The following GPC6 variants were observed in gnomAD, a reference collection of about 807,000 sequenced individuals.
GPC6 encodes the protein glypican 6.
Under a neutral mutation model 55.2 loss-of-function variants are expected in GPC6, and 14 were observed. The observed-to-expected ratio is 0.25, with a 90% CI of 0.17 to 0.40. The LOEUF (loss-of-function observed/expected upper bound fraction) is 0.40, where lower values mean the gene tolerates loss of function less well. Ranked by LOEUF, GPC6 falls within the 10% of genes least tolerant of loss-of-function variation. The pLI is 1.00. For synonymous variants in GPC6, 278 were observed against 259.6 expected (o/e 1.07, Z -0.68); for missense variants, 641 against 708.5 (o/e 0.90, Z 1.08).
intron 2 of GPC6, among the ~76,000 whole-genome samples, chr13:93,618,713 T>G (rs376247849): frequency 1.4e-4 from 22 of 152,294 alleles, no homozygotes; most frequent in African/African-American, 5.1e-4. Context: ...TAGGATTTAT[T>G]GAAAATGTAT....
At chr13:93,271,068 G>T (rs1364752696) in intron 1 of GPC6, among the ~76,000 whole-genome samples, 2 of 152,278 alleles carry the variant, frequency 1.3e-5, no homozygotes, top group Admixed American at 6.5e-5. Context: ...CATTCAAGGG[G>T]CAGGGAGTGT....
chr13:93,505,434 C>T (rs72640600), intron 1 of GPC6, among the ~76,000 whole-genome samples: 25 of 99,694 alleles, frequency 2.5e-4, no homozygotes, highest in Admixed American at 3.8e-4. Flanking sequence ...CACACGTGCA[C>T]ACACACACAC....
intron 4 of GPC6, among the ~76,000 whole-genome samples, chr13:94,161,640 T>C (rs1202164112): frequency 6.6e-6 from 1 of 152,090 alleles, no homozygotes; most frequent in African/African-American, 2.4e-5. Context: ...AGAAGACATG[T>C]AAAGAGTATG....
chr13:93,374,978 T>C (rs746128851), intron 1 of GPC6, among the ~76,000 whole-genome samples: 8 of 152,110 alleles, frequency 5.3e-5, no homozygotes, highest in Non-Finnish European at 1.0e-4. Flanking sequence ...TTTTGAGGAG[T>C]ACCATGGAGT....
intron 1 of GPC6, among the ~76,000 whole-genome samples, chr13:93,284,806 A>G (rs1163119377): frequency 2.6e-5 from 4 of 152,232 alleles, no homozygotes; most frequent in African/African-American, 9.6e-5. Flanking sequence ...AAGTACAATA[A>G]TAATGAACAT....
chr13:93,369,025 C>T (rs1328646687), intron 1 of GPC6, among the ~76,000 whole-genome samples: 1 of 152,010 alleles, frequency 6.6e-6, no homozygotes, highest in Non-Finnish European at 1.5e-5. Flanking sequence ...GTCCCTGTAA[C>T]TGCTGAGTGG....
chr13:94,227,407 C>T (rs1232853587), intron 4 of GPC6, among the ~76,000 whole-genome samples: 1 of 152,178 alleles, frequency 6.6e-6, no homozygotes, highest in African/African-American at 2.4e-5. Flanking sequence ...TGGATTATTG[C>T]ACAAGGTGCC....
chr13:94,028,347 C>T (rs9589884), intron 4 of GPC6, among the ~76,000 whole-genome samples: 27,569 of 151,902 alleles, frequency 0.18, 2,718 homozygotes, highest in East Asian at 0.39. Context: ...CATTATTTTA[C>T]ATTTTCCTAA....
chr13:94,304,620 C>A (rs1875845757), intron 5 of GPC6, among the ~76,000 whole-genome samples: 1 of 152,170 alleles, frequency 6.6e-6, no homozygotes, highest in African/African-American at 2.4e-5. Context: ...TCAAAGTTTC[C>A]TGAAAATGTT....
chr13:93,787,061 T>C (rs1885836586), intron 2 of GPC6, among the ~76,000 whole-genome samples: 1 of 152,164 alleles, frequency 6.6e-6, no homozygotes, highest in Non-Finnish European at 1.5e-5. Flanking sequence ...AGCAATGATA[T>C]CTCATTTACA....
chr13:93,403,015 C>T (rs138826181), intron 1 of GPC6, among the ~76,000 whole-genome samples: 1 of 152,036 alleles, frequency 6.6e-6, no homozygotes, highest in Non-Finnish European at 1.5e-5. Flanking sequence ...AAATCTAATT[C>T]TCTAACCACT....
chr13:93,842,434 G>T (rs1450982400), intron 3 of GPC6, among the ~76,000 whole-genome samples: 1 of 152,134 alleles, frequency 6.6e-6, no homozygotes, highest in East Asian at 1.9e-4. Flanking sequence ...TTTTTGGCTA[G>T]GATGGAAGAT....
intron 1 of GPC6, among the ~76,000 whole-genome samples, chr13:93,268,607 C>T (rs1250212195): frequency 6.6e-6 from 1 of 152,004 alleles, no homozygotes; most frequent in African/African-American, 2.4e-5. Flanking sequence ...TAGTGGAATG[C>T]CTCCTCTAAG....
Position 93,643,332 on chromosome 13 carries a change from C to T in GPC6, c.319+97911C>T, listed in dbSNP as rs114013537. On this transcript the variant is annotated intron_variant, in intron 2 of 8. Transcript: ENST00000377047. ...AGAGTAGGGGGGTTCAAAACTTTAC[C>T]TCCTGGCCTCTAAGAGTCTCAGCTG... is the stretch of plus-strand genomic sequence containing the variant. Among the ~76,000 whole-genome samples the T allele has an allele frequency of 1.6e-3, 243 of 152,110 alleles. 2 individuals carry two copies. Among genetic ancestry groups the T allele is most frequent in the African/African-American group, 5.5e-3 (229 of 41,522 alleles).
chr13:94,236,533 A>C (rs1180307088), intron 4 of GPC6, among the ~76,000 whole-genome samples: 1 of 152,194 alleles, frequency 6.6e-6, no homozygotes, highest in African/African-American at 2.4e-5. Context: ...AAAATGCTAA[A>C]ATATCAGGTA....
chr13:93,407,079 G>C (rs762542879), intron 1 of GPC6, among the ~76,000 whole-genome samples: 1 of 152,092 alleles, frequency 6.6e-6, no homozygotes, highest in Non-Finnish European at 1.5e-5. Context: ...TTGTATCACT[G>C]TATTGTATCA....
intron 3 of GPC6, among the ~76,000 whole-genome samples, chr13:93,884,865 C>T (rs1207217763): frequency 1.3e-5 from 2 of 152,064 alleles, no homozygotes; most frequent in Non-Finnish European, 1.5e-5. Context: ...TGAAACGTTA[C>T]AAGAGCTTAT....
chr13:93,781,255 A>G (rs1288167348), intron 2 of GPC6, among the ~76,000 whole-genome samples: 2 of 150,556 alleles, frequency 1.3e-5, no homozygotes, highest in Non-Finnish European at 3.0e-5. Context: ...CAGCCTGGCA[A>G]CAGAGTGAGA....
intron 4 of GPC6, among the ~76,000 whole-genome samples, chr13:94,069,261 C>T (rs1181775958): frequency 6.6e-6 from 1 of 152,164 alleles, no homozygotes; most frequent in Non-Finnish European, 1.5e-5. Context: ...GTACCTTGGT[C>T]CCTTTTAGTC....
Sources: allele counts gnomAD v4.1 joint callset (sites outside exome capture counted in the v4.1 genomes callset), GRCh38; gene constraint gnomAD v4.1.1; transcripts MANE v1.5; gene names NCBI Gene and HGNC (gene_info 2026-07-23, HGNC 2026-07-21).